Variants in ZPBP observed in about 807,000 individuals in gnomAD.
The protein encoded by ZPBP is zona pellucida-binding protein 1.
ZPBP carries 26 observed loss-of-function variants against 44.8 expected under a neutral mutation model. The observed-to-expected ratio is 0.58, with a 90% CI of 0.43 to 0.81. The LOEUF (loss-of-function observed/expected upper bound fraction) is 0.81. ZPBP is among the 30% of genes least tolerant of loss of function. ZPBP has a pLI of 0.00. For missense variants in ZPBP, 409 were observed against 434.0 expected, an observed-to-expected ratio of 0.94 and a Z score of 0.51; for synonymous variants, 174 against 153.2, an observed-to-expected ratio of 1.14 and a Z score of -1.00.
chr7:49,941,452 T>C (rs1388322038), intron 7 of ZPBP, among the ~76,000 whole-genome samples: 1 of 152,102 alleles, frequency 6.6e-6, no homozygotes, highest in Admixed American at 6.6e-5. Context: ...AGCAAAGTAG[T>C]AGGATACAAA....
At chr7:49,999,211 CATATAT>C (rs141260312) in intron 6 of ZPBP, among the ~76,000 whole-genome samples, 1 of 144,742 alleles carries the variant, frequency 6.9e-6, no homozygotes, top group Non-Finnish European at 1.5e-5. Flanking sequence ...AATAAGTCTC[CATATAT>C]ATATATATAT....
chr7:49,926,645 C>T (rs946743484), intron 1 of ZPBP, among the ~76,000 whole-genome samples: 1 of 152,216 alleles, frequency 6.6e-6, no homozygotes, highest in African/African-American at 2.4e-5. Context: ...ATTCTCAGAC[C>T]ACTTCTGGCT....
Position 50,006,373 on chromosome 7 carries a change from A to G in ZPBP, c.783+11867T>C, listed in dbSNP as rs142134196. On this transcript the variant is annotated intron_variant, in intron 6 of 7. Transcript: ENST00000046087. ...AGGGTAGACCATACGTAAAGCCACA[A>G]AACAAATATTTATAATGTAAAAGGT... Among the ~76,000 whole-genome samples, 269 of 152,162 alleles carry G rather than the reference A, an allele frequency of 1.8e-3. 7 individuals carry two copies. Among genetic ancestry groups the G allele is most frequent in the African/African-American group, 6.0e-3 (251 of 41,496 alleles).
At chr7:49,993,936 T>C (rs1342204385) in intron 6 of ZPBP, among the ~76,000 whole-genome samples, 1 of 152,182 alleles carries the variant, frequency 6.6e-6, no homozygotes, top group Non-Finnish European at 1.5e-5. Flanking sequence ...AAAATTCTCC[T>C]TTGCTGTAGT....
rs1313196969 is a variant in ZPBP at position 49,981,538 on chromosome 7, T to TTTATATAATTATATAAATTATATA, written c.961+1780_961+1803dup. Among the ~76,000 whole-genome samples, 163 of 29,872 alleles carry TTTATATAATTATATAAATTATATA rather than the reference T, an allele frequency of 5.5e-3. 24 individuals carry two copies. Among genetic ancestry groups the TTTATATAATTATATAAATTATATA allele is most frequent in the African/African-American group, 0.033 (129 of 3,874 alleles). The allele number at this position is 29,872 out of a possible 152,430, so 19.6% of individuals were successfully genotyped here. A position where few individuals can be genotyped will look rare whatever the true frequency, so the allele number is the denominator to read the frequency against. On this transcript the variant is annotated intron_variant, in intron 7 of 7. Transcript: ENST00000046087. ...TATATTATATAATATATATTATAAT[T>TTTATATAATTATATAAATTATATA]TTATATAATTATATAAATTATATAT...
intron 1 of ZPBP, among the ~76,000 whole-genome samples, chr7:49,901,666 G>C (rs1182466486): frequency 6.6e-6 from 1 of 151,818 alleles, no homozygotes; most frequent in East Asian, 1.9e-4. Context: ...ATCCCAGGAA[G>C]CAATTTTATA....
intron 2 of ZPBP, among the ~76,000 whole-genome samples, chr7:49,858,806 CTTAT>C (rs1265010440): frequency 1.3e-5 from 2 of 152,152 alleles, no homozygotes; most frequent in East Asian, 3.8e-4. Flanking sequence ...AAAAATGTTA[CTTAT>C]TTTTTATGTT....
intron 2 of ZPBP, among the ~76,000 whole-genome samples, chr7:50,086,723 C>CAA (rs907950186): frequency 6.6e-6 from 1 of 151,756 alleles, no homozygotes; most frequent in African/African-American, 2.4e-5. Flanking sequence ...TTAAGCATAT[C>CAA]AATGTATGCA....
chr7:50,013,283 T>G (rs1798669768), intron 6 of ZPBP, among the ~76,000 whole-genome samples: 1 of 151,898 alleles, frequency 6.6e-6, no homozygotes. Context: ...TATAAAAACC[T>G]GCATAATGTA....
chr7:49,989,140 T>C (rs369149847), intron 6 of ZPBP, among the ~76,000 whole-genome samples: 2 of 152,152 alleles, frequency 1.3e-5, no homozygotes, highest in African/African-American at 4.8e-5. Flanking sequence ...TTGGAGAAAT[T>C]GGTTGTTTTA....
At chr7:49,845,854 C>A (rs561779823), downstream of ZPBP, among the ~76,000 whole-genome samples, 1 of 152,126 alleles carries the variant, frequency 6.6e-6, no homozygotes, top group Non-Finnish European at 1.5e-5. Flanking sequence ...GAAGGAAGAG[C>A]GAGTGAGTTA....
chr7:50,087,000 C>A (rs1041914698), intron 2 of ZPBP, among the ~76,000 whole-genome samples: 1 of 152,014 alleles, frequency 6.6e-6, no homozygotes, highest in Non-Finnish European at 1.5e-5. Flanking sequence ...CATAAAAAGT[C>A]ATAATGAAAT....
chr7:50,065,103 T>C (rs1424843793), intron 3 of ZPBP, among the ~76,000 whole-genome samples: 3 of 152,260 alleles, frequency 2.0e-5, no homozygotes, highest in Admixed American at 6.5e-5. Flanking sequence ...ACAACACTTA[T>C]GTCCACATTT....
intron 2 of ZPBP, among the ~76,000 whole-genome samples, chr7:49,898,920 G>A (rs1792549371): frequency 6.6e-6 from 1 of 151,972 alleles, no homozygotes; most frequent in African/African-American, 2.4e-5. Context: ...GCATAAAAAA[G>A]TTGAAGACAA....
intron 4 of ZPBP, among the ~76,000 whole-genome samples, chr7:50,052,590 G>A (rs1023215440): frequency 6.6e-6 from 1 of 152,072 alleles, no homozygotes; most frequent in African/African-American, 2.4e-5. Context: ...TCAACCAACT[G>A]CATTTTAGGT....
chr7:50,057,266 A>C (rs1306482854), intron 4 of ZPBP, among the ~76,000 whole-genome samples: 1 of 151,870 alleles, frequency 6.6e-6, no homozygotes, highest in Non-Finnish European at 1.5e-5. Context: ...AGCTAAAAGC[A>C]GACTTGGGGG....
At chr7:50,071,982 A>G (rs546654001) in intron 3 of ZPBP, among the ~76,000 whole-genome samples, 1 of 152,314 alleles carries the variant, frequency 6.6e-6, no homozygotes, top group African/African-American at 2.4e-5. Context: ...CTTCTGCTTG[A>G]GAAATGCAGA....
At chr7:49,869,468 A>T (rs1791042564) in intron 2 of ZPBP, among the ~76,000 whole-genome samples, 1 of 152,202 alleles carries the variant, frequency 6.6e-6, no homozygotes, top group African/African-American at 2.4e-5. Context: ...TATAGGGAAA[A>T]AATTATCTTG....
Position 50,019,289 on chromosome 7 carries a change from A to G in ZPBP, c.707-973T>C, listed in dbSNP as rs975033930. Among the ~76,000 whole-genome samples, 9 of 152,212 alleles carry G rather than the reference A, an allele frequency of 5.9e-5. 1 individual carries two copies. The Middle Eastern group carries it at 0.01, about 173-fold the overall frequency. On this transcript the variant is annotated intron_variant, in intron 5 of 7. Coordinates refer to ENST00000046087, the MANE Select transcript of ZPBP (RefSeq NM_007009.3). The stretch of plus-strand genomic sequence containing the variant: ...CTATCCATTCGCTATTCTACTCCAA[A>G]TATTGCTCTATGATGCCTGTGTACA...
Sources: gnomAD v4.1 joint callset for allele counts (sites outside exome capture counted in the v4.1 genomes callset) on GRCh38, gnomAD v4.1.1 for gene constraint, MANE v1.5 for transcripts, NCBI Gene and HGNC (gene_info 2026-07-23, HGNC 2026-07-21) for gene names.